Variants in DDX60L observed in about 807,000 individuals in gnomAD.
DDX60L encodes DExD/H-box 60 like, also known as probable ATP-dependent RNA helicase DDX60-like.
Under a neutral mutation model 211.6 loss-of-function variants are expected in DDX60L, and 191 were observed. That is an observed-to-expected ratio of 0.90 (90% CI 0.80 to 1.02). The LOEUF (loss-of-function observed/expected upper bound fraction) is 1.02. DDX60L is among the 50% of genes least tolerant of loss of function. The pLI, the probability that DDX60L is intolerant of heterozygous loss-of-function variation, is 0.00. For synonymous variants in DDX60L, 706 were observed against 694.1 expected, an observed-to-expected ratio of 1.02 and a Z score of -0.27; for missense variants, 2,007 against 1,984.1, an observed-to-expected ratio of 1.01 and a Z score of -0.22.
chr4:168,459,341 G>C (rs962036281), intron 5 of DDX60L, among the ~76,000 whole-genome samples: 25 of 150,300 alleles, frequency 1.7e-4, no homozygotes, highest in African/African-American at 6.2e-4. Flanking sequence ...AAATAAATAT[G>C]GTTATTCTTA....
At position 168,357,876 on chromosome 4, in the gene DDX60L, C is replaced by G. The variant is rs1252037231; in HGVS notation, c.*271G>C. 3.6e-6 allele frequency: 1 copy of G among 278,594 alleles called. No individual in the cohort carries two copies. Among genetic ancestry groups the G allele is most frequent in the Admixed American group, 5.2e-5 (1 of 19,370 alleles). The allele number at this position is 278,594 out of a possible 1,614,324, so 17.3% of individuals were successfully genotyped here. On this transcript the variant is annotated 3_prime_UTR_variant, in exon 38 of 38. Coordinates refer to ENST00000682922, the MANE Select transcript of DDX60L (RefSeq NM_001012967.3). ...CCGTTCATTAAGTCACCACCCAATC[C>G]CAATCACTTTTCTTACATTATCTCA...
At chr4:168,458,841 G>A (rs190463988) in intron 5 of DDX60L, among the ~76,000 whole-genome samples, 1 of 152,116 alleles carries the variant, frequency 6.6e-6, no homozygotes, top group Non-Finnish European at 1.5e-5. Context: ...TGAGACATTT[G>A]AATTCTACAT....
intron 10 of DDX60L, among the ~76,000 whole-genome samples, chr4:168,434,104 A>G: frequency 6.6e-6 from 1 of 151,922 alleles, no homozygotes; most frequent in Non-Finnish European, 1.5e-5. Flanking sequence ...ACTATAATGT[A>G]TCTAGTGGTG....
chr4:168,457,771 C>T (rs2150082441), intron 6 of DDX60L, 121 bp downstream of exon 6: 1 of 507,592 alleles, frequency 2.0e-6, no homozygotes, highest in Non-Finnish European at 3.5e-6. Flanking sequence ...AGATAGTATA[C>T]ATGTACTAAG....
intron 8 of DDX60L, 55 bp downstream of exon 8, chr4:168,453,069 T>A: frequency 6.6e-7 from 1 of 1,504,972 alleles, no homozygotes. Flanking sequence ...GTTTTAAAGG[T>A]GATCATGGTT....
intron 25 of DDX60L, 77 bp downstream of exon 25, chr4:168,403,905 A>G (rs75615214): frequency 0.047 from 40,998 of 870,024 alleles, 1,114 homozygotes; most frequent in Middle Eastern, 0.058. Context: ...CTATATATAA[A>G]TGAGACTAAT....
intron 15 of DDX60L, 67 bp downstream of exon 15, chr4:168,423,541 T>C: frequency 9.0e-7 from 1 of 1,113,164 alleles, no homozygotes; most frequent in Non-Finnish European, 1.3e-6. Context: ...TCATTAGACC[T>C]ATTAGTTATT....
intron 10 of DDX60L, among the ~76,000 whole-genome samples, chr4:168,440,579 G>A (rs1026772953): frequency 1.3e-5 from 2 of 152,058 alleles, no homozygotes; most frequent in African/African-American, 4.8e-5. Context: ...CAAATGCCAT[G>A]TCCTCTCTGG....
At chr4:168,405,488 T>A (rs1166663422) in intron 24 of DDX60L, among the ~76,000 whole-genome samples, 1 of 152,236 alleles carries the variant, frequency 6.6e-6, no homozygotes, top group Non-Finnish European at 1.5e-5. Flanking sequence ...CTTTCAGGTA[T>A]ATTTATATTT....
intron 26 of DDX60L, among the ~76,000 whole-genome samples, chr4:168,400,368 T>C (rs1746584521): frequency 1.3e-5 from 2 of 152,304 alleles, no homozygotes; most frequent in Non-Finnish European, 2.9e-5. Context: ...TTATATTCCT[T>C]TGGGTAGACG....
chr4:168,453,548 G>C lies in DDX60L; in HGVS notation c.838-266C>G, dbSNP rs73863610. Reference sequence around the variant, plus strand: ...TGAGTTGGCAGCAAAGGAAGTCCCTGACCCAGAGGTCTGAGGATTGACAGA... The same window carrying C: ...TGAGTTGGCAGCAAAGGAAGTCCCTCACCCAGAGGTCTGAGGATTGACAGA... On this transcript the variant is annotated intron_variant, in intron 7 of 37. Transcript: ENST00000682922. 6.7e-3 allele frequency among the ~76,000 whole-genome samples: 1,015 copies of C among 152,296 alleles called. 14 individuals carry two copies. The highest frequency in any genetic ancestry group is 0.02 in the African/African-American group (845 of 41,556).
chr4:168,380,764 GA>G (rs1344334850), intron 30 of DDX60L: 4 of 152,202 alleles, frequency 2.6e-5, no homozygotes. Context: ...GGGCTCAGAA[GA>G]AGACAGGAAG....
chr4:168,359,969 T>A (rs1450508447), intron 37 of DDX60L, among the ~76,000 whole-genome samples: 2 of 152,230 alleles, frequency 1.3e-5, no homozygotes, highest in African/African-American at 4.8e-5. Context: ...TACTTAATTA[T>A]CCTAATTAAC....
chr4:168,477,624 C>T (rs1051279134), intron 1 of DDX60L, among the ~76,000 whole-genome samples: 1 of 152,088 alleles, frequency 6.6e-6, no homozygotes, highest in South Asian at 2.1e-4. Flanking sequence ...GATTATAAAA[C>T]CAATCAAACA....
intron 4 of DDX60L, among the ~76,000 whole-genome samples, chr4:168,463,732 C>A (rs1027956156): frequency 1.3e-5 from 2 of 151,998 alleles, no homozygotes; most frequent in African/African-American, 4.8e-5. Context: ...AACCCCCACC[C>A]CAAAAAAATC....
At chr4:168,460,896 T>C (rs1403826749) in intron 5 of DDX60L, among the ~76,000 whole-genome samples, 1 of 152,156 alleles carries the variant, frequency 6.6e-6, no homozygotes, top group African/African-American at 2.4e-5. Flanking sequence ...TCAGGAAAAG[T>C]GGTTTGCTTG....
intron 9 of DDX60L, among the ~76,000 whole-genome samples, chr4:168,447,358 C>T (rs1754974585): frequency 7.1e-6 from 1 of 140,470 alleles, no homozygotes. Flanking sequence ...GTTAGAATGG[C>T]AAACATTAAA....
chr4:168,456,113 C>A lies in DDX60L; in HGVS notation c.763G>T (p.Glu255Ter). Reference sequence around the variant, plus strand: ...AGAACACGCTGGATGTCCGATCCTTCTGACCATAGGTGCTGAAGCAGAAAT... The same window carrying A: ...AGAACACGCTGGATGTCCGATCCTTATGACCATAGGTGCTGAAGCAGAAAT... ...TLFLLQHLWS[E>*]GSDIQRVLCV... is the part of the protein sequence containing the mutation. Residue 255 changes from glutamate to a stop codon, truncating the protein, a stop_gained, in exon 7 of 38, where the codon GAA becomes TAA. Transcript: ENST00000682922. LOFTEE classifies it high-confidence loss of function. 2.5e-6 allele frequency: 4 copies of A among 1,595,716 alleles called. No individual in the cohort carries two copies. The highest frequency in any genetic ancestry group is 3.4e-6 in the Non-Finnish European group (4 of 1,172,968).
rs545691883 is a variant in DDX60L, at chr4:168,365,363, A to G, written c.4929-4152T>C. On this transcript the variant is annotated intron_variant, in intron 36 of 37. Transcript: ENST00000682922. ...ATTACAACAGTTCCACAGAAGTACA[A>G]AAAATAATAAGATACTATTATCAAC... Among the ~76,000 whole-genome samples, 6 of 152,226 alleles carry G rather than the reference A, an allele frequency of 3.9e-5. No individual in the cohort carries two copies. The South Asian group carries it at 1.2e-3, about 32-fold the overall frequency.
Sources: allele counts gnomAD v4.1 joint callset (sites outside exome capture counted in the v4.1 genomes callset), GRCh38; gene constraint gnomAD v4.1.1; transcripts MANE v1.5; gene names NCBI Gene and HGNC (gene_info 2026-07-23, HGNC 2026-07-21).